The following IL4R variants were observed in gnomAD, a reference collection of about 807,000 sequenced individuals.
IL4R encodes the protein interleukin-4 receptor subunit alpha.
In IL4R, 17 loss-of-function variants were observed where a neutral mutation model predicts 41.5. That is an observed-to-expected ratio of 0.41 (90% CI 0.28 to 0.61). The LOEUF (loss-of-function observed/expected upper bound fraction) is 0.61, where lower values mean the gene tolerates loss of function less well. Among genes scored for constraint, IL4R ranks in the 20% least tolerant of loss-of-function variants. IL4R has a pLI of 0.31. For missense variants in IL4R, 974 were observed against 1,043.1 expected, an observed-to-expected ratio of 0.93 and a Z score of 0.91; for synonymous variants, 402 against 422.9, an observed-to-expected ratio of 0.95 and a Z score of 0.61.
Position 27,352,692 on chromosome 16 carries a change from C to A in IL4R, c.666C>A (p.His222Gln), listed in dbSNP as rs1396032426. The change falls in exon 7 of 11, where the codon CAC becomes CAA. Residue 222 changes from histidine (H) to glutamine (Q), a missense_variant. His to Gln is a conservative substitution (Grantham distance 24). Transcript: ENST00000395762. ...WSEWSPSTKW[H>Q]NSYREPFEQH... is the part of the protein sequence containing the mutation. Reference sequence around the variant, plus strand: ...AGTGGAGCCCCAGCACCAAGTGGCACAACTGTGAGTATCAAGAGGCCTAAG... The same window carrying A: ...AGTGGAGCCCCAGCACCAAGTGGCAAAACTGTGAGTATCAAGAGGCCTAAG... 6.2e-7 allele frequency: 1 copy of A among 1,614,056 alleles called. No homozygotes were observed. The highest frequency in any genetic ancestry group is 1.6e-4 in the Middle Eastern group (1 of 6,062).
intron 7 of IL4R, among the ~76,000 whole-genome samples, chr16:27,354,863 A>G (rs1284510199): frequency 6.6e-6 from 1 of 152,214 alleles, no homozygotes; most frequent in African/African-American, 2.4e-5. Context: ...TGTGAGCTCC[A>G]TAGGCAGGGT....
At chr16:27,353,813 T>C (rs759434971) in intron 7 of IL4R, among the ~76,000 whole-genome samples, 1 of 152,140 alleles carries the variant, frequency 6.6e-6, no homozygotes, top group Non-Finnish European at 1.5e-5. Context: ...CCTCCATTCT[T>C]AATGGAAGGA....
chr16:27,328,438 A>G (rs1461549932), intron 1 of IL4R, among the ~76,000 whole-genome samples: 1 of 151,838 alleles, frequency 6.6e-6, no homozygotes, highest in African/African-American at 2.4e-5. Flanking sequence ...TTTTGTAGAG[A>G]TGTGGTTTCA....
rs182253243 is a variant in IL4R at position 27,348,132 on chromosome 16, C to G, written c.513+1514C>G. Among the ~76,000 whole-genome samples the G allele has an allele frequency of 4.6e-5, 7 of 152,364 alleles. No homozygotes were observed. In the East Asian group the frequency reaches 1.3e-3, roughly 29 times the overall value. ...GTGTCTGTCACTGCTTCCTCTCAAT[C>G]TGGCCAAGCCAGGGGTGTCGATTTA... On this transcript the variant is annotated intron_variant, in intron 6 of 10. Transcript: ENST00000395762.
chr16:27,356,413 G>A (rs991053311), intron 8 of IL4R, among the ~76,000 whole-genome samples: 1 of 145,224 alleles, frequency 6.9e-6, no homozygotes, highest in Non-Finnish European at 1.5e-5. Flanking sequence ...TTCTAAAACC[G>A]GCATCCTACT....
At chr16:27,360,986 C>G (rs2086262159) in intron 10 of IL4R, 171 bp downstream of exon 10, 3 of 1,484,732 alleles carry the variant, frequency 2.0e-6, no homozygotes, top group Non-Finnish European at 2.7e-6. Context: ...ACGTGGACTG[C>G]TGGCCAAGCC....
intron 8 of IL4R, among the ~76,000 whole-genome samples, chr16:27,358,714 C>T (rs1306610870): frequency 6.6e-6 from 1 of 152,192 alleles, no homozygotes; most frequent in Non-Finnish European, 1.5e-5. Flanking sequence ...CCTTGGGCCT[C>T]ACTCTCCTCA....
At position 27,352,584 on chromosome 16, in the gene IL4R, C is replaced by A. The variant is rs758287397; in HGVS notation, c.558C>A (p.Ile186=). 4 of 1,614,046 alleles carry A rather than the reference C, an allele frequency of 2.5e-6. No homozygotes were observed. Among genetic ancestry groups the A allele is most frequent in the Non-Finnish European group, 8.5e-7 (1 of 1,180,014 alleles). Residue 186 remains isoleucine (I), a synonymous_variant, in exon 7 of 11, where the codon ATC becomes ATA. Coordinates refer to ENST00000395762, the MANE Select transcript of IL4R (RefSeq NM_000418.4). ...CCTACCTAGAACCCTCCCTCCGCAT[C>A]GCAGCCAGCACCCTGAAGTCTGGGA... is the stretch of plus-strand genomic sequence containing the variant. The part of the protein sequence containing the change: ...NVTYLEPSLR[I]AASTLKSGIS...
chr16:27,325,686 T>A (rs2084937307), intron 1 of IL4R, among the ~76,000 whole-genome samples: 1 of 152,024 alleles, frequency 6.6e-6, no homozygotes, highest in South Asian at 2.1e-4. Flanking sequence ...AAACACTGTA[T>A]ACCTGTTAAA....
chr16:27,345,013 C>A lies in IL4R; in HGVS notation c.354C>A (p.Ser118Arg), dbSNP rs779320253. Reference sequence around the variant, plus strand: ...TGTGGAAGGGCTCCTTCAAGCCCAGCGAGCATGGTGAGCAGGGCGGAGTGC... The same window carrying A: ...TGTGGAAGGGCTCCTTCAAGCCCAGAGAGCATGGTGAGCAGGGCGGAGTGC... Reference protein sequence around the residue: ...QLLWKGSFKPSEHVKPRAPGN... With the variant: ...QLLWKGSFKPREHVKPRAPGN... The change falls in exon 5 of 11, where the codon AGC (serine) becomes AGA (arginine). Residue 118 changes from serine (S) to arginine (R), a missense_variant. By Grantham distance (110) the Ser-to-Arg change is moderately radical. Around this residue, in one of 3 missense-constraint regions of IL4R, gnomAD observed 284 missense variants for 313.4 expected, o/e 0.91. Coordinates refer to ENST00000395762, the MANE Select transcript of IL4R (RefSeq NM_000418.4). This position sits in a 1 kb window ranked among gnomAD's most constrained non-coding sequence, Gnocchi z 4.5. 1 of 1,531,682 alleles carries A rather than the reference C, an allele frequency of 6.5e-7. No homozygotes were observed. The highest frequency in any genetic ancestry group is 8.9e-7 in the Non-Finnish European group (1 of 1,126,540). 94.9% of individuals were successfully genotyped at this position (1,531,682 alleles called of 1,614,324 possible).
At chr16:27,361,132 T>A (rs958778435) in intron 10 of IL4R, 1 of 866,484 alleles carries the variant, frequency 1.2e-6, no homozygotes, top group Middle Eastern at 4.5e-4. Flanking sequence ...GCCACTATCC[T>A]GAACACTCCC....
intron 1 of IL4R, among the ~76,000 whole-genome samples, chr16:27,320,963 A>C (rs974091967): frequency 3.8e-4 from 49 of 130,176 alleles, no homozygotes; most frequent in Admixed American, 2.7e-3. Context: ...TTTTTTTTTG[A>C]GATGGAGTCT....
intron 10 of IL4R, chr16:27,361,025 A>G (rs1457546607): frequency 2.1e-6 from 3 of 1,447,718 alleles, no homozygotes; most frequent in Non-Finnish European, 2.7e-6. Flanking sequence ...TGTCAGGTAC[A>G]TGGTGATACC....
intron 6 of IL4R, 50 bp from the exon 7 acceptor site, chr16:27,352,490 G>A: frequency 6.4e-7 from 1 of 1,566,008 alleles, no homozygotes; most frequent in Non-Finnish European, 8.8e-7. Context: ...GTGGGCACTG[G>A]TGCCCCTCGC....
chr16:27,356,672 G>A (rs1398734377), intron 8 of IL4R, among the ~76,000 whole-genome samples: 1 of 152,074 alleles, frequency 6.6e-6, no homozygotes, highest in African/African-American at 2.4e-5. Flanking sequence ...GGGCAACTGG[G>A]GGCATCTGGG....
intron 6 of IL4R, among the ~76,000 whole-genome samples, chr16:27,351,046 G>A (rs2085851815): frequency 6.6e-6 from 1 of 152,212 alleles, no homozygotes; most frequent in Non-Finnish European, 1.5e-5. Flanking sequence ...TCTGGACATA[G>A]CTTAGCCAGG....
At position 27,344,950 on chromosome 16, in the gene IL4R, T is replaced by G. The variant is rs112497527; in HGVS notation, c.291T>G (p.Asp97Glu). Residue 97 changes from aspartate (D) to glutamate (E), a missense_variant, in exon 5 of 11, where the codon GAT becomes GAG. Coordinates refer to ENST00000395762, the MANE Select transcript of IL4R (RefSeq NM_000418.4). The part of the protein sequence containing the change: ...HLLMDDVVSA[D>E]NYTLDLWAGQ... The stretch of plus-strand genomic sequence containing the variant: ...TCATGGATGACGTGGTCAGTGCGGA[T>G]AACTATACACTGGACCTGTGGGCTG... The G allele has an allele frequency of 1.9e-6, 3 of 1,614,062 alleles. No individual in the cohort carries two copies. Among genetic ancestry groups the G allele is most frequent in the Non-Finnish European group, 8.5e-7 (1 of 1,180,012 alleles).
chr16:27,316,930 G>GTC (rs890043464), intron 1 of IL4R, among the ~76,000 whole-genome samples: 1 of 143,200 alleles, frequency 7.0e-6, no homozygotes, highest in Non-Finnish European at 1.5e-5. Context: ...TAGAGCCATG[G>GTC]TCTCTCTCTA....
chr16:27,357,556 C>T (rs759448182), intron 8 of IL4R, among the ~76,000 whole-genome samples: 5 of 152,124 alleles, frequency 3.3e-5, no homozygotes, highest in East Asian at 3.8e-4. Context: ...CTCTGCCTCC[C>T]GGGTTCAAGC....
Sources: allele counts gnomAD v4.1 joint callset (sites outside exome capture counted in the v4.1 genomes callset), GRCh38; gene constraint gnomAD v4.1.1; regional missense constraint gnomAD v4.1.1; non-coding constraint Gnocchi (gnomAD v3.1); transcripts MANE v1.5; gene names NCBI Gene and HGNC (gene_info 2026-07-23, HGNC 2026-07-21).